Variants in PAPPA observed in about 807,000 individuals in gnomAD.
PAPPA encodes the protein pappalysin 1.
In PAPPA, 60 loss-of-function variants were observed where a neutral mutation model predicts 164.0. That is an observed-to-expected ratio of 0.37 (90% CI 0.30 to 0.45). The LOEUF is 0.45. Among genes scored for constraint, PAPPA ranks in the 20% least tolerant of loss-of-function variants. The pLI is 1.00. For synonymous variants in PAPPA, 875 were observed against 814.1 expected (o/e 1.07, Z -1.27); for missense variants, 1,782 against 2,087.3 (o/e 0.85, Z 2.85).
At chr9:116,392,025 A>C (rs1846899649) in intron 21 of PAPPA, among the ~76,000 whole-genome samples, 1 of 152,180 alleles carries the variant, frequency 6.6e-6, no homozygotes, top group South Asian at 2.1e-4. Context: ...GGTGCTGAGG[A>C]GTGCCAGGCC....
intron 4 of PAPPA, 27 bp downstream of exon 4, chr9:116,211,959 A>C: frequency 6.2e-7 from 1 of 1,600,534 alleles, no homozygotes; most frequent in South Asian, 1.1e-5. Context: ...TGTAGGGTGA[A>C]CAGGTCTGGA....
intron 1 of PAPPA, among the ~76,000 whole-genome samples, chr9:116,157,391 A>G (rs183672178): frequency 1.3e-5 from 2 of 152,336 alleles, no homozygotes; most frequent in Admixed American, 6.5e-5. Flanking sequence ...AGAAAAATAT[A>G]TATACTAATA....
At chr9:116,278,247 G>A (rs1027645379) in intron 9 of PAPPA, among the ~76,000 whole-genome samples, 27 of 152,166 alleles carry the variant, frequency 1.8e-4, no homozygotes, top group African/African-American at 6.0e-4. Flanking sequence ...CAGCAACTCT[G>A]TAGAGTCAAA....
intron 18 of PAPPA, among the ~76,000 whole-genome samples, chr9:116,365,645 G>T (rs1846492273): frequency 7.0e-6 from 1 of 143,188 alleles, no homozygotes; most frequent in Non-Finnish European, 1.5e-5. Flanking sequence ...TATTATCACA[G>T]CCTTGTCTCA....
At chr9:116,313,951 G>A (rs554107896) in intron 10 of PAPPA, among the ~76,000 whole-genome samples, 3 of 151,778 alleles carry the variant, frequency 2.0e-5, no homozygotes, top group African/African-American at 7.2e-5. Context: ...AAATAATTAA[G>A]GGGAGATGGT....
intron 7 of PAPPA, among the ~76,000 whole-genome samples, chr9:116,243,512 C>T (rs1435179121): frequency 1.3e-5 from 2 of 152,014 alleles, no homozygotes; most frequent in African/African-American, 4.8e-5. Context: ...ATTTAAGGTC[C>T]CCCAGTTAAT....
intron 8 of PAPPA, among the ~76,000 whole-genome samples, chr9:116,267,602 G>A (rs1164155331): frequency 2.6e-5 from 4 of 152,134 alleles, no homozygotes; most frequent in Admixed American, 6.5e-5. Flanking sequence ...GGCCGGGTGC[G>A]GTGGCTCACG....
At chr9:116,183,061 A>G (rs1056530408) in intron 1 of PAPPA, among the ~76,000 whole-genome samples, 40 of 152,174 alleles carry the variant, frequency 2.6e-4, no homozygotes, top group Non-Finnish European at 1.0e-4. Flanking sequence ...CCCTGGGATC[A>G]TCCTCTAGTC....
At chr9:116,248,587 CCT>C (rs1564198107) in intron 7 of PAPPA, among the ~76,000 whole-genome samples, 1 of 152,298 alleles carries the variant, frequency 6.6e-6, no homozygotes, top group East Asian at 1.9e-4. Context: ...CTAGACCCAG[CCT>C]CTCTCTTAGG....
chr9:116,377,363 G>A (rs1846668915), intron 19 of PAPPA, among the ~76,000 whole-genome samples: 1 of 152,130 alleles, frequency 6.6e-6, no homozygotes, highest in Admixed American at 6.5e-5. Flanking sequence ...GGGAAATACA[G>A]AACCATGACA....
At chr9:116,211,001 T>C (rs764296029) in intron 3 of PAPPA, among the ~76,000 whole-genome samples, 3 of 152,236 alleles carry the variant, frequency 2.0e-5, no homozygotes, top group Non-Finnish European at 4.4e-5. Context: ...CCTGTGATAG[T>C]CATTAATCAT....
intron 14 of PAPPA, among the ~76,000 whole-genome samples, chr9:116,346,612 C>G (rs1303457909): frequency 6.6e-6 from 1 of 152,190 alleles, no homozygotes; most frequent in East Asian, 1.9e-4. Context: ...ACTTGATGTC[C>G]TACCATTGAA....
At chr9:116,350,087 A>G (rs2224768) in intron 15 of PAPPA, among the ~76,000 whole-genome samples, 44,537 of 152,168 alleles carry the variant, frequency 0.29, 7,608 homozygotes, top group South Asian at 0.45. Flanking sequence ...CAACAACTCC[A>G]CCATTAGTTT....
chr9:116,172,748 A>G (rs1843788210), intron 1 of PAPPA, among the ~76,000 whole-genome samples: 1 of 152,118 alleles, frequency 6.6e-6, no homozygotes. Context: ...GGAAATACTA[A>G]CCTGTCTGGT....
Position 116,401,018 on chromosome 9 carries a change from G to T in PAPPA, c.*4402G>T, listed in dbSNP as rs1047230169. ...TGTGAGGGCCAACGCTTGACACAAAGTCCATGGGTTATTATTCAAGAATGC... is the reference window on the plus strand; with the variant it reads ...TGTGAGGGCCAACGCTTGACACAAATTCCATGGGTTATTATTCAAGAATGC... On this transcript the variant is annotated 3_prime_UTR_variant, in exon 22 of 22. Coordinates refer to ENST00000328252, the MANE Select transcript of PAPPA (RefSeq NM_002581.5). 6 of 152,556 alleles carry T rather than the reference G, an allele frequency of 3.9e-5. No homozygotes were observed. Among genetic ancestry groups the T allele is most frequent in the Non-Finnish European group, 4.4e-5 (3 of 68,042 alleles). 9.5% of individuals were successfully genotyped at this position (152,556 alleles called of 1,614,324 possible).
At chr9:116,328,284 G>A (rs1039737089) in intron 10 of PAPPA, among the ~76,000 whole-genome samples, 1 of 152,138 alleles carries the variant, frequency 6.6e-6, no homozygotes, top group Non-Finnish European at 1.5e-5. Context: ...AAAGTCTTGC[G>A]CTGTTGTAAA....
At chr9:116,307,734 G>A (rs1170139254) in intron 10 of PAPPA, among the ~76,000 whole-genome samples, 1 of 152,204 alleles carries the variant, frequency 6.6e-6, no homozygotes, top group Non-Finnish European at 1.5e-5. Context: ...GAGAGAGAGA[G>A]AGAGAGCATG....
chr9:116,156,427 T>C (rs1219064369), intron 1 of PAPPA, among the ~76,000 whole-genome samples: 1 of 151,114 alleles, frequency 6.6e-6, no homozygotes, highest in East Asian at 1.9e-4. Context: ...GGAGCCTCTC[T>C]TCACACACAT....
chr9:116,357,606 A>T (rs1846370386), intron 17 of PAPPA, among the ~76,000 whole-genome samples: 2 of 152,190 alleles, frequency 1.3e-5, no homozygotes, highest in East Asian at 1.9e-4. Context: ...GCTCCCAAAC[A>T]TCTTCAGGCC....
Sources: allele counts gnomAD v4.1 joint callset (sites outside exome capture counted in the v4.1 genomes callset), GRCh38; gene constraint gnomAD v4.1.1; transcripts MANE v1.5; gene names NCBI Gene and HGNC (gene_info 2026-07-23, HGNC 2026-07-21).